The following ROBO2 variants were observed in gnomAD, a reference collection of about 807,000 sequenced individuals.
The protein encoded by ROBO2 is roundabout guidance receptor 2.
In ROBO2, 53 loss-of-function variants were observed where a neutral mutation model predicts 160.8. The observed-to-expected ratio is 0.33, with a 90% CI of 0.26 to 0.41. The LOEUF is 0.41. ROBO2 is among the 10% of genes least tolerant of loss of function. The pLI is 1.00. For synonymous variants in ROBO2, 664 were observed against 611.7 expected, an observed-to-expected ratio of 1.09 and a Z score of -1.26; for missense variants, 1,577 against 1,722.4, an observed-to-expected ratio of 0.92 and a Z score of 1.49.
chr3:77,128,535 G>A (rs1031099804), intron 2 of ROBO2, among the ~76,000 whole-genome samples: 3 of 152,104 alleles, frequency 2.0e-5, no homozygotes, highest in African/African-American at 4.8e-5. Context: ...TTTTTTGCAC[G>A]TTTTTGTGTG....
chr3:77,522,923 A>G, intron 6 of ROBO2, 21 bp downstream of exon 6: 1 of 1,608,180 alleles, frequency 6.2e-7, no homozygotes, highest in East Asian at 2.2e-5. Flanking sequence ...TAAGATGTCA[A>G]AGATAATTGA....
intron 2 of ROBO2, among the ~76,000 whole-genome samples, chr3:77,357,135 C>G (rs2069245366): frequency 6.6e-6 from 1 of 152,098 alleles, no homozygotes; most frequent in Admixed American, 6.6e-5. Flanking sequence ...TCATTTAATC[C>G]TCACAACAGC....
At chr3:77,013,474 A>G (rs918289197) in intron 2 of ROBO2, among the ~76,000 whole-genome samples, 3 of 152,198 alleles carry the variant, frequency 2.0e-5, no homozygotes, top group Admixed American at 6.5e-5. Flanking sequence ...TAAATTATCA[A>G]TGTTGATGAA....
At chr3:77,158,158 G>C (rs1401925961) in intron 2 of ROBO2, among the ~76,000 whole-genome samples, 1 of 152,116 alleles carries the variant, frequency 6.6e-6, no homozygotes, top group Non-Finnish European at 1.5e-5. Flanking sequence ...TATTTAAGTT[G>C]ACCATGTGCA....
chr3:76,440,812 G>C (rs1157689854), intron 2 of ROBO2, among the ~76,000 whole-genome samples: 1 of 152,056 alleles, frequency 6.6e-6, no homozygotes, highest in Non-Finnish European at 1.5e-5. Flanking sequence ...AGTCTTTCAA[G>C]GATTAGTAGG....
chr3:77,004,967 T>C (rs1447165476), intron 2 of ROBO2, among the ~76,000 whole-genome samples: 1 of 152,128 alleles, frequency 6.6e-6, no homozygotes, highest in Non-Finnish European at 1.5e-5. Flanking sequence ...AGTAAAGTCC[T>C]TTTCTCATCC....
At position 76,447,350 on chromosome 3, in the gene ROBO2, T is replaced by C. The variant is rs1257511181; in HGVS notation, c.109+509748T>C. On this transcript the variant is annotated intron_variant, in intron 2 of 26. Coordinates refer to the ROBO2 transcript ENST00000487694. ...ATCAAAACCACAATGAGATACCATC[T>C]CACACCCGTTAGAATGGCGATCATT... 2.0e-5 allele frequency among the ~76,000 whole-genome samples: 3 copies of C among 152,032 alleles called. No homozygotes were observed. In the East Asian group the frequency reaches 5.8e-4, roughly 29 times the overall value.
chr3:76,259,999 A>G (rs1706643168), intron 2 of ROBO2, among the ~76,000 whole-genome samples: 1 of 152,194 alleles, frequency 6.6e-6, no homozygotes, highest in African/African-American at 2.4e-5. Context: ...TTGAAATGGT[A>G]GACAATAGAG....
intron 2 of ROBO2, among the ~76,000 whole-genome samples, chr3:76,641,572 A>G (rs1426732815): frequency 1.3e-5 from 2 of 152,194 alleles, no homozygotes; most frequent in Non-Finnish European, 2.9e-5. Flanking sequence ...GAAGCAATAT[A>G]TGATCCTGAA....
At chr3:77,168,167 T>C (rs895088501) in intron 2 of ROBO2, among the ~76,000 whole-genome samples, 1 of 152,214 alleles carries the variant, frequency 6.6e-6, no homozygotes, top group African/African-American at 2.4e-5. Context: ...ATTTCATCGT[T>C]ACAGACAATC....
At chr3:76,525,417 A>T (rs2081897127) in intron 2 of ROBO2, among the ~76,000 whole-genome samples, 2 of 151,984 alleles carry the variant, frequency 1.3e-5, no homozygotes, top group African/African-American at 4.8e-5. Context: ...CTGACAGTTT[A>T]ATGAATAGCT....
chr3:76,106,526 T>C (rs1307717642), intron 2 of ROBO2, among the ~76,000 whole-genome samples: 4 of 152,144 alleles, frequency 2.6e-5, no homozygotes, highest in Admixed American at 6.5e-5. Context: ...ACACTCATAG[T>C]TTTATTTGGT....
chr3:77,496,155 C>G (rs1359332589), intron 5 of ROBO2, among the ~76,000 whole-genome samples: 1 of 152,096 alleles, frequency 6.6e-6, no homozygotes, highest in Non-Finnish European at 1.5e-5. Context: ...CCTCTTTATT[C>G]TTTTTACCAG....
chr3:76,122,812 C>A (rs1457309993), intron 2 of ROBO2, among the ~76,000 whole-genome samples: 1 of 152,074 alleles, frequency 6.6e-6, no homozygotes, highest in Non-Finnish European at 1.5e-5. Flanking sequence ...TGATTTGTAA[C>A]AATAAAAATA....
chr3:76,632,942 T>G (rs1329543067), intron 2 of ROBO2, among the ~76,000 whole-genome samples: 1 of 152,170 alleles, frequency 6.6e-6, no homozygotes, highest in Non-Finnish European at 1.5e-5. Flanking sequence ...GGAAAATACA[T>G]TTTTTATTCT....
intron 5 of ROBO2, among the ~76,000 whole-genome samples, chr3:77,511,221 C>T (rs1300030706): frequency 2.0e-5 from 3 of 151,944 alleles, no homozygotes; most frequent in Non-Finnish European, 4.4e-5. Context: ...TCCCTGGAGC[C>T]TCCCATGTCT....
At chr3:76,337,612 T>A (rs1576517666) in intron 2 of ROBO2, among the ~76,000 whole-genome samples, 1 of 151,890 alleles carries the variant, frequency 6.6e-6, no homozygotes, top group African/African-American at 2.4e-5. Context: ...AATTATGACA[T>A]GGAAGAAGAG....
chr3:76,527,596 T>C (rs1317200004), intron 2 of ROBO2, among the ~76,000 whole-genome samples: 4 of 152,272 alleles, frequency 2.6e-5, no homozygotes, highest in Non-Finnish European at 2.9e-5. Context: ...GCCTACTATA[T>C]GCCAGATACT....
rs553481653 is a variant in ROBO2, at chr3:75,979,194, A to G, written c.109+41592A>G. The stretch of plus-strand genomic sequence containing the variant: ...GTGGTATGTTATAAAAAGTTATGGC[A>G]GTGATAACTAACAGATACTCTATCA... On this transcript the variant is annotated intron_variant, in intron 2 of 26. Coordinates refer to the ROBO2 transcript ENST00000487694. Among the ~76,000 whole-genome samples, 3 of 151,716 alleles carry G rather than the reference A, an allele frequency of 2.0e-5. No homozygotes were observed. The South Asian group carries it at 6.2e-4, about 31-fold the overall frequency.
Sources: allele counts gnomAD v4.1 joint callset (sites outside exome capture counted in the v4.1 genomes callset), GRCh38; gene constraint gnomAD v4.1.1; transcripts MANE v1.5; gene names NCBI Gene and HGNC (gene_info 2026-07-23, HGNC 2026-07-21).